The following EBF1 variants were observed in gnomAD, a reference collection of about 807,000 sequenced individuals.
The protein encoded by EBF1 is transcription factor COE1.
EBF1 carries 10 observed loss-of-function variants against 68.4 expected under a neutral mutation model. The observed-to-expected ratio is 0.15, with a 90% CI of 0.09 to 0.25. The LOEUF (loss-of-function observed/expected upper bound fraction) is 0.25. EBF1 is among the 10% of genes least tolerant of loss of function. EBF1 has a pLI of 1.00. For missense variants in EBF1, 509 were observed against 794.4 expected, an observed-to-expected ratio of 0.64 and a Z score of 4.32; for synonymous variants, 298 against 299.8, an observed-to-expected ratio of 0.99 and a Z score of 0.06.
chr5:158,811,876 G>A (rs957119264), intron 8 of EBF1, among the ~76,000 whole-genome samples: 3 of 152,016 alleles, frequency 2.0e-5, no homozygotes, highest in African/African-American at 4.8e-5. Flanking sequence ...TTATCCCCAC[G>A]TGGAATTTTG....
chr5:158,825,955 G>C (rs1414963963), intron 7 of EBF1, among the ~76,000 whole-genome samples: 1 of 151,610 alleles, frequency 6.6e-6, no homozygotes. Flanking sequence ...AGATGCAAAA[G>C]GGGTACTGAA....
chr5:158,960,580 A>T (rs187226513), intron 6 of EBF1, among the ~76,000 whole-genome samples: 45 of 152,344 alleles, frequency 3.0e-4, no homozygotes, highest in Admixed American at 2.2e-3. Flanking sequence ...AAATGTTTTT[A>T]AAAAATAGGT....
intron 6 of EBF1, among the ~76,000 whole-genome samples, chr5:158,872,921 A>G (rs1797128420): frequency 6.6e-6 from 1 of 152,110 alleles, no homozygotes; most frequent in Non-Finnish European, 1.5e-5. Flanking sequence ...CCTTTGAATA[A>G]CAAAACAAGC....
chr5:158,894,927 T>C (rs1167858334), intron 6 of EBF1, among the ~76,000 whole-genome samples: 1 of 152,168 alleles, frequency 6.6e-6, no homozygotes, highest in East Asian at 1.9e-4. Flanking sequence ...CAGAACCCTT[T>C]AGATTTTAGA....
chr5:158,779,355 C>A (rs1388633982), intron 9 of EBF1, among the ~76,000 whole-genome samples: 2 of 152,028 alleles, frequency 1.3e-5, no homozygotes, highest in African/African-American at 4.8e-5. Context: ...AGTCACGGGA[C>A]AAACACTTCC....
At chr5:158,796,933 G>A (rs905026639) in intron 8 of EBF1, among the ~76,000 whole-genome samples, 24 of 152,196 alleles carry the variant, frequency 1.6e-4, no homozygotes, top group African/African-American at 5.8e-4. Flanking sequence ...AGCCTGGAGC[G>A]GGAAATGATT....
At chr5:158,796,861 A>G (rs1779693467) in intron 8 of EBF1, among the ~76,000 whole-genome samples, 1 of 152,186 alleles carries the variant, frequency 6.6e-6, no homozygotes, top group Non-Finnish European at 1.5e-5. Context: ...TATCTCCTGA[A>G]AAGAAAACTT....
intron 6 of EBF1, among the ~76,000 whole-genome samples, chr5:158,955,317 C>T (rs752714668): frequency 2.0e-5 from 3 of 151,366 alleles, no homozygotes; most frequent in Non-Finnish European, 4.4e-5. Flanking sequence ...GAGCGAAACT[C>T]CATCTAAAAA....
intron 6 of EBF1, among the ~76,000 whole-genome samples, chr5:158,943,837 A>T (rs572426219): frequency 6.6e-6 from 1 of 152,252 alleles, no homozygotes; most frequent in Non-Finnish European, 1.5e-5. Flanking sequence ...GTTTGGGTCA[A>T]TCAAGTGACT....
At chr5:159,057,371 T>C (rs759557221) in intron 6 of EBF1, among the ~76,000 whole-genome samples, 6 of 152,188 alleles carry the variant, frequency 3.9e-5, no homozygotes, top group Non-Finnish European at 5.9e-5. Flanking sequence ...CCTCCAAAAG[T>C]GCTGGGATTA....
At chr5:159,047,641 T>C (rs1023282306) in intron 6 of EBF1, among the ~76,000 whole-genome samples, 1 of 152,192 alleles carries the variant, frequency 6.6e-6, no homozygotes, top group African/African-American at 2.4e-5. Flanking sequence ...TTCATCCACA[T>C]GAATTTTATG....
At position 158,697,684 on chromosome 5, in the gene EBF1, T is replaced by C. The variant is rs1475061200; in HGVS notation, c.*1427A>G. 3 of 205,896 alleles carry C rather than the reference T, an allele frequency of 1.5e-5. No individual in the cohort carries two copies. The highest frequency in any genetic ancestry group is 6.8e-5 in the African/African-American group (3 of 43,822). The allele number at this position is 205,896 out of a possible 1,614,324, so 12.8% of individuals were successfully genotyped here. On this transcript the variant is annotated 3_prime_UTR_variant, in exon 16 of 16. Transcript: ENST00000313708. ...CTTTGCAAAATACGCAGTAAAATCT[T>C]TTTGTGATATTGAAAAAATGTCTTA...
chr5:158,921,386 C>G (rs892515964), intron 6 of EBF1, among the ~76,000 whole-genome samples: 1 of 152,208 alleles, frequency 6.6e-6, no homozygotes, highest in African/African-American at 2.4e-5. Flanking sequence ...ATACAACCAG[C>G]TGACACTGAA....
At chr5:159,090,454 G>A (rs1348905566) in intron 4 of EBF1, among the ~76,000 whole-genome samples, 1 of 152,184 alleles carries the variant, frequency 6.6e-6, no homozygotes, top group Non-Finnish European at 1.5e-5. Flanking sequence ...TTGGCTACTG[G>A]TGAACAAATT....
intron 11 of EBF1, among the ~76,000 whole-genome samples, chr5:158,719,648 G>A (rs1230604788): frequency 6.6e-6 from 1 of 152,100 alleles, no homozygotes; most frequent in African/African-American, 2.4e-5. Flanking sequence ...CCAGTTCAAT[G>A]TTTTGGGCAA....
chr5:158,777,022 C>G (rs1434222785), intron 10 of EBF1, among the ~76,000 whole-genome samples: 1 of 152,166 alleles, frequency 6.6e-6, no homozygotes, highest in African/African-American at 2.4e-5. Context: ...GTATGTAATA[C>G]AAGTGCCGTG....
chr5:158,788,331 G>A (rs1015507061), intron 9 of EBF1, among the ~76,000 whole-genome samples: 2 of 152,090 alleles, frequency 1.3e-5, no homozygotes, highest in African/African-American at 2.4e-5. Context: ...AAGGGCAGAG[G>A]GATATGGGCA....
chr5:158,723,592 G>A (rs2127524768), intron 11 of EBF1, among the ~76,000 whole-genome samples: 1 of 152,140 alleles, frequency 6.6e-6, no homozygotes, highest in South Asian at 2.1e-4. Context: ...TGCTATGTTT[G>A]AGATATAATC....
chr5:158,990,407 AGAG>A (rs1760086651), intron 6 of EBF1, among the ~76,000 whole-genome samples: 1 of 152,232 alleles, frequency 6.6e-6, no homozygotes, highest in Non-Finnish European at 1.5e-5. Flanking sequence ...GGAATGGATT[AGAG>A]GAGGAGACTA....
Sources: allele counts gnomAD v4.1 joint callset (sites outside exome capture counted in the v4.1 genomes callset), GRCh38; gene constraint gnomAD v4.1.1; transcripts MANE v1.5; gene names NCBI Gene and HGNC (gene_info 2026-07-23, HGNC 2026-07-21).